GFRAL: variants seen among roughly 807,000 people sequenced by gnomAD.
GFRAL encodes the protein GDNF family receptor alpha-like.
GFRAL carries 36 observed loss-of-function variants against 45.4 expected under a neutral mutation model. The ratio of observed to expected loss-of-function variants is 0.79; its 90% confidence interval spans 0.61 to 1.05. The LOEUF (loss-of-function observed/expected upper bound fraction) is 1.05, where lower values mean the gene tolerates loss of function less well. Among genes scored for constraint, GFRAL ranks in the 50% least tolerant of loss-of-function variants. GFRAL has a pLI of 0.00. For missense variants in GFRAL, 507 were observed against 467.5 expected (o/e 1.08, Z -0.78); for synonymous variants, 166 against 154.1 (o/e 1.08, Z -0.57).
At chr6:55,363,880 T>C (rs1362680800) in intron 6 of GFRAL, among the ~76,000 whole-genome samples, 2 of 151,520 alleles carry the variant, frequency 1.3e-5, no homozygotes, top group Non-Finnish European at 2.9e-5. Flanking sequence ...CTATTGTGAA[T>C]AATGTCGCAA....
intron 6 of GFRAL, among the ~76,000 whole-genome samples, chr6:55,363,039 G>A (rs1209132372): frequency 6.6e-6 from 1 of 150,940 alleles, no homozygotes; most frequent in African/African-American, 2.4e-5. Context: ...GACAAAAGAG[G>A]GAAGGTAGAG....
chr6:55,400,342 A>G (rs1255952088), intron 8 of GFRAL, among the ~76,000 whole-genome samples: 1 of 152,120 alleles, frequency 6.6e-6, no homozygotes, highest in East Asian at 1.9e-4. Flanking sequence ...AGAGGAACAG[A>G]AGTATTCACT....
chr6:55,350,609 G>C (rs1173699390), intron 4 of GFRAL, among the ~76,000 whole-genome samples: 1 of 152,126 alleles, frequency 6.6e-6, no homozygotes, highest in African/African-American at 2.4e-5. Context: ...GCTGAGGCAG[G>C]AGGATCACTT....
At chr6:55,389,318 G>T (rs1263292378) in intron 6 of GFRAL, among the ~76,000 whole-genome samples, 1 of 151,880 alleles carries the variant, frequency 6.6e-6, no homozygotes, top group African/African-American at 2.4e-5. Flanking sequence ...TATTGAAAGG[G>T]TATAGAAAAG....
intron 3 of GFRAL, among the ~76,000 whole-genome samples, chr6:55,337,391 G>T (rs889491411): frequency 6.6e-6 from 1 of 152,046 alleles, no homozygotes; most frequent in Admixed American, 6.6e-5. Context: ...TAATGTCTTT[G>T]GTTTGGTATC....
intron 3 of GFRAL, among the ~76,000 whole-genome samples, chr6:55,347,207 G>GAT (rs1441887751): frequency 2.0e-5 from 3 of 152,082 alleles, no homozygotes; most frequent in Admixed American, 1.3e-4. Flanking sequence ...TGAATAAAAA[G>GAT]ATGAAAGTTC....
chr6:55,329,424 T>C (rs531982075), intron 1 of GFRAL, among the ~76,000 whole-genome samples: 12 of 152,268 alleles, frequency 7.9e-5, no homozygotes, highest in Middle Eastern at 3.4e-3. Flanking sequence ...TGATGATATA[T>C]CTGGGATATT....
chr6:55,349,015 A>G (rs1581906379), intron 3 of GFRAL, among the ~76,000 whole-genome samples: 1 of 152,118 alleles, frequency 6.6e-6, no homozygotes. Flanking sequence ...TAGATATGGA[A>G]TAGTAGCACA....
chr6:55,331,654 A>G (rs759927826), intron 1 of GFRAL, 61 bp from the exon 2 acceptor site: 82 of 1,495,094 alleles, frequency 5.5e-5, no homozygotes, highest in Non-Finnish European at 7.4e-5. Flanking sequence ...AATAACTTAG[A>G]TTTGAAGAAA....
chr6:55,374,368 T>C (rs1768496410), intron 6 of GFRAL, among the ~76,000 whole-genome samples: 1 of 152,176 alleles, frequency 6.6e-6, no homozygotes, highest in Non-Finnish European at 1.5e-5. Context: ...TTTGCATTTC[T>C]CTAATGATCA....
At chr6:55,375,499 C>T (rs1768511837) in intron 6 of GFRAL, among the ~76,000 whole-genome samples, 1 of 152,070 alleles carries the variant, frequency 6.6e-6, no homozygotes, top group African/African-American at 2.4e-5. Context: ...GCTGAAGTTG[C>T]TTATTAGCTT....
chr6:55,395,175 A>AAAAATATATAT lies in GFRAL; in HGVS notation c.953-4004_953-4003insAAATATATATA. Among the ~76,000 whole-genome samples the AAAAATATATAT allele has an allele frequency of 2.2e-3, 276 of 123,440 alleles. 1 individual carries two copies. The highest frequency in any genetic ancestry group is 5.1e-3 in the East Asian group (23 of 4,502). 81.0% of individuals were successfully genotyped at this position (123,440 alleles called of 152,430 possible). On this transcript the variant is annotated intron_variant, in intron 6 of 8. Transcript: ENST00000340465. ...AATCAGCCTATGGAAAAAAAAAAAA[A>AAAAATATATAT]ATATATATATATATATATAAGCCAG...
intron 6 of GFRAL, among the ~76,000 whole-genome samples, chr6:55,365,720 C>T (rs892188798): frequency 4.0e-5 from 6 of 149,226 alleles, no homozygotes; most frequent in African/African-American, 1.5e-4. Context: ...GCCTTTGGCT[C>T]TGTTTATATG....
intron 6 of GFRAL, among the ~76,000 whole-genome samples, chr6:55,383,721 G>A (rs772099091): frequency 3.9e-5 from 6 of 151,958 alleles, no homozygotes; most frequent in East Asian, 3.9e-4. Flanking sequence ...CCTTCCTGCC[G>A]TCTACTGGGA....
chr6:55,345,532 C>T (rs1581904423), intron 3 of GFRAL, among the ~76,000 whole-genome samples: 1 of 152,248 alleles, frequency 6.6e-6, no homozygotes, highest in Middle Eastern at 3.4e-3. Flanking sequence ...ACACCTTATA[C>T]AAAAATTAAC....
chr6:55,339,250 T>A (rs1008984366), intron 3 of GFRAL, among the ~76,000 whole-genome samples: 4 of 152,118 alleles, frequency 2.6e-5, no homozygotes, highest in Admixed American at 2.0e-4. Context: ...TGTACAGGAC[T>A]GGGGACGAAA....
chr6:55,391,566 T>A (rs948536216), intron 6 of GFRAL, among the ~76,000 whole-genome samples: 1 of 152,016 alleles, frequency 6.6e-6, no homozygotes, highest in African/African-American at 2.4e-5. Flanking sequence ...GCCTGGGCAA[T>A]AATAGCAAGG....
At chr6:55,371,968 G>C (rs1304875660) in intron 6 of GFRAL, among the ~76,000 whole-genome samples, 1 of 152,118 alleles carries the variant, frequency 6.6e-6, no homozygotes, top group Non-Finnish European at 1.5e-5. Context: ...CTAACAGGTT[G>C]ATCCACCCTT....
At chr6:55,344,957 T>C (rs1179218225) in intron 3 of GFRAL, among the ~76,000 whole-genome samples, 2 of 152,102 alleles carry the variant, frequency 1.3e-5, no homozygotes. Flanking sequence ...TCAAAGAGAA[T>C]AAAATACTTA....
Sources: allele counts gnomAD v4.1 joint callset (sites outside exome capture counted in the v4.1 genomes callset), GRCh38; gene constraint gnomAD v4.1.1; transcripts MANE v1.5; gene names NCBI Gene and HGNC (gene_info 2026-07-23, HGNC 2026-07-21).